Variants in MYO1D observed in about 807,000 individuals in gnomAD.
MYO1D encodes the protein unconventional myosin-Id.
A neutral mutation model predicts 122.0 loss-of-function variants in MYO1D; 83 were observed. The observed-to-expected ratio is 0.68, with a 90% confidence interval of 0.57 to 0.82. The LOEUF (loss-of-function observed/expected upper bound fraction) is 0.82. MYO1D is among the 40% of genes least tolerant of loss of function. The probability of loss-of-function intolerance (pLI) is 0.00; values close to 1 mark genes in which losing one functional copy is unlikely to be tolerated. For missense variants in MYO1D, 1,157 were observed against 1,269.5 expected (o/e 0.91, Z 1.35); for synonymous variants, 464 against 446.9 (o/e 1.04, Z -0.48).
intron 1 of MYO1D, among the ~76,000 whole-genome samples, chr17:32,870,374 A>C (rs2091167728): frequency 6.6e-6 from 1 of 152,172 alleles, no homozygotes; most frequent in African/African-American, 2.4e-5. Context: ...CATTTACTTG[A>C]AGACCACCCA....
intron 16 of MYO1D, among the ~76,000 whole-genome samples, chr17:32,682,620 A>T (rs1054111100): frequency 6.9e-6 from 1 of 145,890 alleles, no homozygotes; most frequent in Non-Finnish European, 1.5e-5. Context: ...CCGAGAGATC[A>T]GCTGTTAGTC....
chr17:32,597,886 A>G (rs9891452), intron 21 of MYO1D, among the ~76,000 whole-genome samples: 28 of 150,420 alleles, frequency 1.9e-4, no homozygotes, highest in African/African-American at 5.7e-4. Context: ...AAAAAAAAAA[A>G]AAAAAAGAAA....
At chr17:32,751,882 T>C (rs1044735523) in intron 11 of MYO1D, among the ~76,000 whole-genome samples, 1 of 152,142 alleles carries the variant, frequency 6.6e-6, no homozygotes, top group African/African-American at 2.4e-5. Context: ...ATGCATTTCC[T>C]ATCAAATTAC....
intron 21 of MYO1D, among the ~76,000 whole-genome samples, chr17:32,554,189 C>T (rs2087047686): frequency 6.6e-6 from 1 of 151,710 alleles, no homozygotes; most frequent in Non-Finnish European, 1.5e-5. Flanking sequence ...CTGAGAGTCC[C>T]TGCCCCTGCC....
intron 16 of MYO1D, among the ~76,000 whole-genome samples, chr17:32,668,197 A>C (rs1055309891): frequency 3.0e-4 from 45 of 152,212 alleles, no homozygotes; most frequent in Admixed American, 1.3e-4. Flanking sequence ...ATTTTGATGT[A>C]GAACTACAGA....
intron 5 of MYO1D, among the ~76,000 whole-genome samples, 191 bp downstream of exon 5, chr17:32,772,598 G>A (rs1405407663): frequency 1.3e-5 from 2 of 152,234 alleles, no homozygotes; most frequent in Admixed American, 6.5e-5. Flanking sequence ...GGGTGGAACA[G>A]TCATGTTCAT....
intron 1 of MYO1D, among the ~76,000 whole-genome samples, chr17:32,808,528 C>T (rs2090540844): frequency 1.3e-5 from 2 of 152,164 alleles, no homozygotes; most frequent in Admixed American, 6.5e-5. Context: ...CTATCGATTT[C>T]TAATGTATTC....
At chr17:32,793,845 A>G (rs1012180593) in intron 1 of MYO1D, among the ~76,000 whole-genome samples, 7 of 152,236 alleles carry the variant, frequency 4.6e-5, no homozygotes, top group Admixed American at 3.3e-4. Flanking sequence ...TTCAACTGAT[A>G]TAGTACCTTT....
chr17:32,686,436 C>T (rs970851806), intron 16 of MYO1D: 5 of 152,242 alleles, frequency 3.3e-5, no homozygotes, highest in Non-Finnish European at 5.9e-5. Flanking sequence ...TGATTTCAAA[C>T]CTTCCTCCAG....
chr17:32,608,281 C>T (rs2087654633), intron 20 of MYO1D, among the ~76,000 whole-genome samples: 1 of 152,118 alleles, frequency 6.6e-6, no homozygotes, highest in Non-Finnish European at 1.5e-5. Context: ...GCTCTTAAAA[C>T]TTGATAGTAA....
intron 1 of MYO1D, among the ~76,000 whole-genome samples, chr17:32,809,770 T>G (rs529367934): frequency 1.3e-5 from 2 of 152,342 alleles, no homozygotes. Context: ...GGGGCACTCA[T>G]GCAGAGTTTC....
At chr17:32,743,064 G>C (rs1598057794) in intron 13 of MYO1D, among the ~76,000 whole-genome samples, 1 of 151,974 alleles carries the variant, frequency 6.6e-6, no homozygotes, top group African/African-American at 2.4e-5. Context: ...TTCTTGGCTT[G>C]GCCTCTGTGA....
At chr17:32,665,207 C>T (rs1053775304) in intron 16 of MYO1D, among the ~76,000 whole-genome samples, 13 of 152,148 alleles carry the variant, frequency 8.5e-5, no homozygotes, top group Admixed American at 5.9e-4. Flanking sequence ...CACCTCCCCG[C>T]CCCCCGACCC....
chr17:32,560,576 T>TAA (rs2087114825), intron 21 of MYO1D, among the ~76,000 whole-genome samples: 5 of 112,092 alleles, frequency 4.5e-5, no homozygotes, highest in African/African-American at 1.7e-4. Context: ...TATATATATA[T>TAA]AACTTTTATA....
In MYO1D at chr17:32,772,738, T is replaced by C. The variant is rs186494853; in HGVS notation, c.618+51A>G. 9.0e-5 allele frequency: 130 copies of C among 1,445,570 alleles called. No homozygotes were observed. The African/African-American group carries it at 1.6e-3, about 17-fold the overall frequency. 89.5% of individuals were successfully genotyped at this position (1,445,570 alleles called of 1,614,324 possible). A position where few individuals can be genotyped will look rare whatever the true frequency, so the allele number is the denominator to read the frequency against. On this transcript the variant is annotated intron_variant, in intron 5 of 21. Transcript: ENST00000318217. The stretch of plus-strand genomic sequence containing the variant: ...GAAAGCCCAAGACACAAATACTCAT[T>C]TCCTGCACAACTGGGCAAATGATCA...
chr17:32,707,196 G>C (rs1440035005), intron 16 of MYO1D, among the ~76,000 whole-genome samples: 1 of 152,028 alleles, frequency 6.6e-6, no homozygotes, highest in African/African-American at 2.4e-5. Flanking sequence ...ATAGGAAAAG[G>C]ATGAACAACC....
rs548697679 is a variant in MYO1D at position 32,666,934 on chromosome 17, C to T, written c.2122-7596G>A. On this transcript the variant is annotated intron_variant, in intron 16 of 21. Coordinates refer to ENST00000318217, the MANE Select transcript of MYO1D (RefSeq NM_015194.3). ...TTTCTTCCATTTCTATCTTTAAGTT[C>T]CCCCTATGGGGATCTTCGAGATGTC... Among the ~76,000 whole-genome samples the T allele has an allele frequency of 2.0e-5, 3 of 152,346 alleles. No homozygotes were observed. The East Asian group carries it at 5.8e-4, about 29-fold the overall frequency.
At chr17:32,516,094 A>C (rs1483245374) in intron 21 of MYO1D, among the ~76,000 whole-genome samples, 1 of 152,248 alleles carries the variant, frequency 6.6e-6, no homozygotes, top group Non-Finnish European at 1.5e-5. Context: ...TTGCTATTTT[A>C]AGCGAGTACA....
At chr17:32,830,260 T>C (rs905531180) in intron 1 of MYO1D, 1 of 152,018 alleles carries the variant, frequency 6.6e-6, no homozygotes, top group Non-Finnish European at 1.5e-5. Context: ...GGGTAAAGAG[T>C]AGAATAAGGA....
Sources: gnomAD v4.1 joint callset for allele counts (sites outside exome capture counted in the v4.1 genomes callset) on GRCh38, gnomAD v4.1.1 for gene constraint, MANE v1.5 for transcripts, NCBI Gene and HGNC (gene_info 2026-07-23, HGNC 2026-07-21) for gene names.